The following TMTC2 variants were observed in gnomAD, a reference collection of about 807,000 sequenced individuals.
The protein encoded by TMTC2 is protein O-mannosyl-transferase TMTC2.
In TMTC2, 43 loss-of-function variants were observed where a neutral mutation model predicts 82.4. The observed-to-expected ratio is 0.52, with a 90% CI of 0.41 to 0.67. The LOEUF (loss-of-function observed/expected upper bound fraction) is 0.67, where lower values mean the gene tolerates loss of function less well. TMTC2 is among the 30% of genes least tolerant of loss of function. The pLI, the probability that TMTC2 is intolerant of heterozygous loss-of-function variation, is 0.00. For synonymous variants in TMTC2, 408 were observed against 381.9 expected, an observed-to-expected ratio of 1.07 and a Z score of -0.80; for missense variants, 919 against 1,012.4, an observed-to-expected ratio of 0.91 and a Z score of 1.25.
intron 1 of TMTC2, among the ~76,000 whole-genome samples, chr12:82,804,087 G>A (rs1026144625): frequency 6.6e-6 from 1 of 151,916 alleles, no homozygotes; most frequent in African/African-American, 2.4e-5. Flanking sequence ...AAGAAAATAG[G>A]GTTAAAAACT....
intron 10 of TMTC2, among the ~76,000 whole-genome samples, chr12:83,054,817 T>C (rs1464051086): frequency 6.6e-6 from 1 of 151,932 alleles, no homozygotes; most frequent in Non-Finnish European, 1.5e-5. Flanking sequence ...ATTTCCAAAA[T>C]AGGATGATCT....
chr12:82,718,765 G>T (rs1874019796), intron 1 of TMTC2, among the ~76,000 whole-genome samples: 1 of 151,940 alleles, frequency 6.6e-6, no homozygotes, highest in Non-Finnish European at 1.5e-5. Context: ...TATGTTTGTG[G>T]AAATTTAACT....
chr12:83,039,705 T>C (rs1213756740), intron 9 of TMTC2, among the ~76,000 whole-genome samples: 1 of 152,186 alleles, frequency 6.6e-6, no homozygotes. Flanking sequence ...ATTTGTGCTA[T>C]ACTGCAATGT....
At chr12:83,031,184 A>G (rs1043971880) in intron 9 of TMTC2, among the ~76,000 whole-genome samples, 1 of 152,108 alleles carries the variant, frequency 6.6e-6, no homozygotes, top group African/African-American at 2.4e-5. Flanking sequence ...TCCTTGCCTT[A>G]TGCATACTTT....
chr12:82,725,155 A>T (rs1440940334), intron 1 of TMTC2, among the ~76,000 whole-genome samples: 1 of 152,188 alleles, frequency 6.6e-6, no homozygotes, highest in African/African-American at 2.4e-5. Flanking sequence ...AAAACAAAAA[A>T]ACTATCAGTA....
chr12:82,691,124 T>G (rs1368293173), intron 1 of TMTC2, among the ~76,000 whole-genome samples: 1 of 152,198 alleles, frequency 6.6e-6, no homozygotes, highest in Non-Finnish European at 1.5e-5. Context: ...GTAAATAAGA[T>G]AATGCAACTT....
chr12:82,995,683 C>G (rs1879586373), intron 8 of TMTC2, among the ~76,000 whole-genome samples: 2 of 152,074 alleles, frequency 1.3e-5, no homozygotes, highest in South Asian at 4.2e-4. Flanking sequence ...TTAAATAAAT[C>G]CTCATCTCTT....
intron 1 of TMTC2, among the ~76,000 whole-genome samples, chr12:82,689,197 A>C (rs1340684056): frequency 6.6e-6 from 1 of 152,220 alleles, no homozygotes; most frequent in Non-Finnish European, 1.5e-5. Flanking sequence ...GTTTCCAAAG[A>C]TGGGTGACTT....
intron 1 of TMTC2, among the ~76,000 whole-genome samples, chr12:82,779,386 A>G (rs566046409): frequency 8.5e-4 from 129 of 152,258 alleles, no homozygotes; most frequent in African/African-American, 2.9e-3. Flanking sequence ...GTTTCATGCG[A>G]TAAGCCTTTC....
At chr12:82,958,619 A>G (rs1294444758) in intron 4 of TMTC2, among the ~76,000 whole-genome samples, 1 of 152,088 alleles carries the variant, frequency 6.6e-6, no homozygotes. Flanking sequence ...AAAACTTCCA[A>G]TAAAATTTAT....
At chr12:82,777,877 TTC>T (rs1877679982) in intron 1 of TMTC2, among the ~76,000 whole-genome samples, 1 of 152,120 alleles carries the variant, frequency 6.6e-6, no homozygotes, top group East Asian at 1.9e-4. Context: ...ATTTGCCATT[TTC>T]TCTCTTTCTG....
chr12:83,023,445 C>T (rs143061285), intron 8 of TMTC2, among the ~76,000 whole-genome samples: 3 of 152,350 alleles, frequency 2.0e-5, no homozygotes, highest in African/African-American at 7.2e-5. Context: ...TTTATTCCCA[C>T]TTGGTCAGCC....
intron 11 of TMTC2, among the ~76,000 whole-genome samples, chr12:83,117,211 C>G (rs905375890): frequency 2.0e-5 from 3 of 151,778 alleles, no homozygotes; most frequent in Non-Finnish European, 1.5e-5. Context: ...TTTTTGTTTG[C>G]TTTGTCTGTT....
chr12:83,074,620 G>C (rs1253390532), intron 11 of TMTC2, among the ~76,000 whole-genome samples: 1 of 151,940 alleles, frequency 6.6e-6, no homozygotes, highest in East Asian at 1.9e-4. Context: ...GGGAATTGGA[G>C]GAAAGCCAGC....
intron 3 of TMTC2, among the ~76,000 whole-genome samples, chr12:82,905,519 A>T (rs190196895): frequency 2.0e-5 from 3 of 152,334 alleles, no homozygotes; most frequent in Admixed American, 1.3e-4. Context: ...TTTTAATGTA[A>T]ATATGTGAAA....
At chr12:83,076,103 G>T (rs187529126) in intron 11 of TMTC2, among the ~76,000 whole-genome samples, 2 of 152,164 alleles carry the variant, frequency 1.3e-5, no homozygotes, top group Non-Finnish European at 2.9e-5. Flanking sequence ...TCAGATTGTC[G>T]CACTGACCTA....
chr12:83,109,604 A>G (rs974951364), intron 11 of TMTC2, among the ~76,000 whole-genome samples: 1 of 152,132 alleles, frequency 6.6e-6, no homozygotes, highest in East Asian at 1.9e-4. Context: ...AACTTCCCAA[A>G]TGCATCAGCC....
intron 1 of TMTC2, among the ~76,000 whole-genome samples, chr12:82,744,147 C>T (rs1875559926): frequency 6.6e-6 from 1 of 152,124 alleles, no homozygotes; most frequent in African/African-American, 2.4e-5. Flanking sequence ...AGCAGCCGGG[C>T]ACGGTGGCTC....
At chr12:83,009,469 C>T (rs1880355824) in intron 8 of TMTC2, among the ~76,000 whole-genome samples, 1 of 152,086 alleles carries the variant, frequency 6.6e-6, no homozygotes, top group Admixed American at 6.5e-5. Context: ...AGCAGGTCTC[C>T]ACTATGATTC....
Sources: gnomAD v4.1 joint callset for allele counts (sites outside exome capture counted in the v4.1 genomes callset) on GRCh38, gnomAD v4.1.1 for gene constraint, MANE v1.5 for transcripts, NCBI Gene and HGNC (gene_info 2026-07-23, HGNC 2026-07-21) for gene names.